Variants in ELAVL4 observed in about 807,000 individuals in gnomAD.
ELAVL4 encodes ELAV like RNA binding protein 4.
Under a neutral mutation model 35.6 loss-of-function variants are expected in ELAVL4, and 1 was observed. That is an observed-to-expected ratio of 0.03 (90% CI 0.01 to 0.13). ELAVL4 has a LOEUF of 0.13. Among genes scored for constraint, ELAVL4 ranks in the 10% least tolerant of loss-of-function variants. The pLI, the probability that ELAVL4 is intolerant of heterozygous loss-of-function variation, is 1.00. For synonymous variants in ELAVL4, 156 were observed against 171.0 expected, an observed-to-expected ratio of 0.91 and a Z score of 0.69; for missense variants, 267 against 464.9, an observed-to-expected ratio of 0.57 and a Z score of 3.91.
Position 50,200,894 on chromosome 1 carries a change from A to G in ELAVL4, c.817A>G (p.Met273Val). 6.2e-7 allele frequency: 1 copy of G among 1,613,970 alleles called. No individual in the cohort carries two copies. The highest frequency in any genetic ancestry group is 1.1e-5 in the South Asian group (1 of 91,070). Residue 273 changes from methionine to valine, a missense_variant, in exon 7 of 7, where the codon ATG becomes GTG. By Grantham distance (21) the Met-to-Val change is conservative. This residue lies in a region of ELAVL4 where 216 missense variants were observed against 409.5 expected (regional missense o/e 0.53). Transcript: ENST00000371824. Reference protein sequence around the residue: ...TIDGMTSLVGMNIPGHTGTGW... With the variant: ...TIDGMTSLVGVNIPGHTGTGW... ...TGATGGAATGACAAGCCTTGTGGGAATGAACATCCCTGGTCACACAGGAAC... is the reference window on the plus strand; with the variant it reads ...TGATGGAATGACAAGCCTTGTGGGAGTGAACATCCCTGGTCACACAGGAAC...
At chr1:50,177,793 T>C (rs1572549837) in intron 3 of ELAVL4, among the ~76,000 whole-genome samples, 1 of 152,194 alleles carries the variant, frequency 6.6e-6, no homozygotes, top group South Asian at 2.1e-4. Context: ...GGTACTATAA[T>C]AAAATTGATG....
chr1:50,110,977 G>T (rs770390552), intron 1 of ELAVL4, among the ~76,000 whole-genome samples: 5 of 152,096 alleles, frequency 3.3e-5, no homozygotes, highest in Non-Finnish European at 5.9e-5. Context: ...AAAAAAAAGG[G>T]GAGGGGGACA....
At chr1:50,111,144 C>CGT (rs761988798) in intron 1 of ELAVL4, among the ~76,000 whole-genome samples, 6 of 148,662 alleles carry the variant, frequency 4.0e-5, no homozygotes. Context: ...TGTGTGTGTG[C>CGT]GTGTGTGTGT....
At chr1:50,131,916 G>T (rs1670925869) in intron 1 of ELAVL4, among the ~76,000 whole-genome samples, 1 of 150,258 alleles carries the variant, frequency 6.7e-6, no homozygotes, top group Admixed American at 6.6e-5. Flanking sequence ...GAAGTTTGCA[G>T]TGAGGTCCCA....
chr1:50,154,253 C>CTAGTAACT (rs1226215222), intron 2 of ELAVL4, among the ~76,000 whole-genome samples: 3 of 152,184 alleles, frequency 2.0e-5, no homozygotes, highest in Non-Finnish European at 4.4e-5. Context: ...TTCTACTTTG[C>CTAGTAACT]TAGTAACTAA....
intron 1 of ELAVL4, among the ~76,000 whole-genome samples, chr1:50,095,690 G>C (rs1665691827): frequency 6.6e-6 from 1 of 152,172 alleles, no homozygotes; most frequent in Non-Finnish European, 1.5e-5. Context: ...TACAATATCA[G>C]CAGTGCCTTC....
At chr1:50,194,034 A>G in intron 4 of ELAVL4, 116 bp downstream of exon 4, 2 of 1,299,404 alleles carry the variant, frequency 1.5e-6, no homozygotes, top group Non-Finnish European at 2.1e-6. Flanking sequence ...ATGAATAGAC[A>G]GATTTTTGAC....
At chr1:50,189,863 G>A (rs1273400791) in intron 3 of ELAVL4, among the ~76,000 whole-genome samples, 1 of 152,228 alleles carries the variant, frequency 6.6e-6, no homozygotes, top group Non-Finnish European at 1.5e-5. Flanking sequence ...ACTTGCCTAA[G>A]GTCATGCAGC....
chr1:50,053,341 G>A (rs562548426), intron 1 of ELAVL4, among the ~76,000 whole-genome samples: 14 of 152,136 alleles, frequency 9.2e-5, no homozygotes, highest in African/African-American at 3.1e-4. Flanking sequence ...TGGATGATTG[G>A]TTTTTGTTTT....
rs896234352 is a variant in ELAVL4 at position 50,109,032 on chromosome 1, C to A, written c.-158C>A. ...TCTTTCTCTCCCCCGCCCACCCCCC[C>A]AAAAATAATTGATTTGCTTTACAAT... On this transcript the variant is annotated 5_prime_UTR_variant, in exon 1 of 7. Coordinates refer to ENST00000371824, the MANE Select transcript of ELAVL4 (RefSeq NM_001144774.3). 48 of 979,416 alleles carry A rather than the reference C, an allele frequency of 4.9e-5. No homozygotes were observed. The highest frequency in any genetic ancestry group is 5.2e-4 in the Middle Eastern group (1 of 1,910). The allele number at this position is 979,416 out of a possible 1,614,324, so 60.7% of individuals were successfully genotyped here. A position where few individuals can be genotyped will look rare whatever the true frequency, so the allele number is the denominator to read the frequency against.
chr1:50,078,984 A>G (rs570255052), intron 1 of ELAVL4, among the ~76,000 whole-genome samples: 19 of 152,284 alleles, frequency 1.2e-4, no homozygotes, highest in African/African-American at 4.3e-4. Context: ...ATTAAATACC[A>G]TCTGCTGGAT....
Position 50,156,737 on chromosome 1 carries a change from C to G in ELAVL4, c.250+11540C>G, listed in dbSNP as rs1675826437. Among the ~76,000 whole-genome samples the G allele has an allele frequency of 2.0e-5, 3 of 152,166 alleles. No homozygotes were observed. The South Asian group carries it at 6.2e-4, about 32-fold the overall frequency. ...ATGTGACTAGCCTAAGGTCACACAGCAAGCAAGTGGCCAAGCCGGCTGCAT... is the reference window on the plus strand; with the variant it reads ...ATGTGACTAGCCTAAGGTCACACAGGAAGCAAGTGGCCAAGCCGGCTGCAT... On this transcript the variant is annotated intron_variant, in intron 2 of 6. Transcript: ENST00000371824.
chr1:50,084,934 C>T (rs1353755013), intron 1 of ELAVL4, among the ~76,000 whole-genome samples: 1 of 152,060 alleles, frequency 6.6e-6, no homozygotes, highest in Non-Finnish European at 1.5e-5. Flanking sequence ...AGGTCTGGGC[C>T]TAACATGGGC....
At chr1:50,127,191 G>T (rs1370330701) in intron 1 of ELAVL4, among the ~76,000 whole-genome samples, 1 of 152,094 alleles carries the variant, frequency 6.6e-6, no homozygotes. Flanking sequence ...CTAGCACCCT[G>T]CACCTGCCTC....
Position 50,129,403 on chromosome 1 carries a change from A to C in ELAVL4, c.10-15554A>C, listed in dbSNP as rs1244335096. ...GTCAGTATGCAGAGTGCACTGTGGC[A>C]GTGATCTGAAATTTCCCAGGAAAAC... On this transcript the variant is annotated intron_variant, in intron 1 of 6. Transcript: ENST00000371824. 7.2e-5 allele frequency among the ~76,000 whole-genome samples: 11 copies of C among 152,278 alleles called. No homozygotes were observed. In the East Asian group the frequency reaches 2.1e-3, roughly 30 times the overall value.
At chr1:50,119,868 G>T (rs1668727437) in intron 1 of ELAVL4, among the ~76,000 whole-genome samples, 1 of 151,706 alleles carries the variant, frequency 6.6e-6, no homozygotes, top group South Asian at 2.1e-4. Flanking sequence ...TGTAATTAGG[G>T]CAGGTACTGT....
chr1:50,171,000 T>G (rs1208631005), intron 2 of ELAVL4, among the ~76,000 whole-genome samples: 3 of 152,080 alleles, frequency 2.0e-5, no homozygotes, highest in African/African-American at 7.2e-5. Context: ...GCCACCATAC[T>G]CCAGCTTGCG....
intron 1 of ELAVL4, among the ~76,000 whole-genome samples, chr1:50,079,324 G>A (rs980009760): frequency 1.3e-4 from 20 of 152,290 alleles, no homozygotes; most frequent in Non-Finnish European, 2.4e-4. Context: ...ATTAGGGAGC[G>A]TTCTTGGGAT....
chr1:50,066,248 G>A (rs1324151307), intron 1 of ELAVL4, among the ~76,000 whole-genome samples: 3 of 152,172 alleles, frequency 2.0e-5, no homozygotes, highest in Non-Finnish European at 4.4e-5. Flanking sequence ...GTCTTGCAAT[G>A]AGACTGTGAG....
Sources: gnomAD v4.1 joint callset for allele counts (sites outside exome capture counted in the v4.1 genomes callset) on GRCh38, gnomAD v4.1.1 for gene constraint, gnomAD v4.1.1 regional missense constraint, MANE v1.5 for transcripts, NCBI Gene and HGNC (gene_info 2026-07-23, HGNC 2026-07-21) for gene names.